The following GREB1L variants were observed in gnomAD, a reference collection of about 807,000 sequenced individuals.
GREB1L encodes the protein GREB1-like protein.
In GREB1L, 17 loss-of-function variants were observed where a neutral mutation model predicts 200.8. The observed-to-expected ratio is 0.08, with a 90% CI of 0.06 to 0.13. The LOEUF (loss-of-function observed/expected upper bound fraction) is 0.13, where lower values mean the gene tolerates loss of function less well. Ranked by LOEUF, GREB1L falls within the 10% of genes least tolerant of loss-of-function variation. GREB1L has a pLI of 1.00. For synonymous variants in GREB1L, 789 were observed against 893.0 expected (o/e 0.88, Z 2.08); for missense variants, 1,657 against 2,367.7 (o/e 0.70, Z 6.23).
intron 7 of GREB1L, 124 bp from the exon 8 acceptor site, chr18:21,439,397 G>A (rs1239977300): frequency 1.7e-6 from 1 of 603,326 alleles, no homozygotes; most frequent in Non-Finnish European, 3.0e-6. Context: ...TAACTGGACT[G>A]AGTCCTATCC....
At position 21,516,497 on chromosome 18, in the gene GREB1L, G is replaced by T. The variant is rs1167419736; in HGVS notation, c.5130-116G>T. 3.9e-6 allele frequency: 4 copies of T among 1,026,014 alleles called. No homozygotes were observed. The East Asian group carries it at 1.0e-4, about 27-fold the overall frequency. The allele number at this position is 1,026,014 out of a possible 1,614,324, so 63.6% of individuals were successfully genotyped here. A position where few individuals can be genotyped will look rare whatever the true frequency, so the allele number is the denominator to read the frequency against. On this transcript the variant is annotated intron_variant, in intron 29 of 32. Coordinates refer to ENST00000424526, the MANE Select transcript of GREB1L (RefSeq NM_001142966.3). Reference sequence around the variant, plus strand: ...TGTTACGAGGGCCAGCTCCACAAAAGCATGGTTGATTATTTTAGGCTCCTA... The same window carrying T: ...TGTTACGAGGGCCAGCTCCACAAAATCATGGTTGATTATTTTAGGCTCCTA...
At position 21,426,996 on chromosome 18, in the gene GREB1L, A is replaced by C. The variant is rs1458603675; in HGVS notation, c.833-12525A>C. On this transcript the variant is annotated intron_variant, in intron 7 of 32. Coordinates refer to ENST00000424526, the MANE Select transcript of GREB1L (RefSeq NM_001142966.3). ...AACAAAAAAAAAAAAAACAAAAAAA[A>C]AAAACTGTTTTGGCTATTCTGGGTC... Among the ~76,000 whole-genome samples, 3 of 146,382 alleles carry C rather than the reference A, an allele frequency of 2.0e-5. 1 individual carries two copies. Among genetic ancestry groups the C allele is most frequent in the African/African-American group, 5.1e-5 (2 of 39,428 alleles).
Position 21,360,282 on chromosome 18 carries a change from G to A in GREB1L, c.-119-5745G>A, listed in dbSNP as rs1373825468. ...CATCCAGGCTGGAGTGCAGTGACAC[G>A]ATCTCGGCTCCCTGCAACCTCCGCC... On this transcript the variant is annotated intron_variant, in intron 1 of 32. Transcript: ENST00000424526. Among the ~76,000 whole-genome samples the A allele has an allele frequency of 1.4e-4, 22 of 152,238 alleles. No homozygotes were observed. The East Asian group carries it at 3.9e-3, about 27-fold the overall frequency.
chr18:21,243,352 C>A (rs2037538403), intron 1 of GREB1L, among the ~76,000 whole-genome samples: 2 of 152,306 alleles, frequency 1.3e-5, no homozygotes, highest in Middle Eastern at 3.4e-3. Context: ...CCTGGAGAAA[C>A]TCCTCAGTCT....
chr18:21,481,245 G>A (rs2035901598), intron 17 of GREB1L, among the ~76,000 whole-genome samples: 1 of 152,070 alleles, frequency 6.6e-6, no homozygotes, highest in African/African-American at 2.4e-5. Context: ...GATGGGGGCA[G>A]GAGGAGGCAC....
At chr18:21,348,978 A>G (rs915515058) in intron 1 of GREB1L, among the ~76,000 whole-genome samples, 2 of 152,168 alleles carry the variant, frequency 1.3e-5, no homozygotes, top group African/African-American at 4.8e-5. Flanking sequence ...CCCAGTGTCC[A>G]TAGCGGCCAT....
Position 21,484,284 on chromosome 18 carries a change from T to G in GREB1L, c.2557-1336T>G, listed in dbSNP as rs56698870. Among the ~76,000 whole-genome samples, 5 of 151,468 alleles carry G rather than the reference T, an allele frequency of 3.3e-5. No homozygotes were observed. In the South Asian group the frequency reaches 1.0e-3, roughly 32 times the overall value. ...TCCACCTCCGGGTTCAAGGTATTCT[T>G]CTGCCTCAGCCTCCTGAGTAGCTGG... On this transcript the variant is annotated intron_variant, in intron 17 of 32. Coordinates refer to ENST00000424526, the MANE Select transcript of GREB1L (RefSeq NM_001142966.3).
At chr18:21,462,174 G>C (rs956764573) in intron 15 of GREB1L, among the ~76,000 whole-genome samples, 1 of 152,204 alleles carries the variant, frequency 6.6e-6, no homozygotes, top group African/African-American at 2.4e-5. Context: ...TGCCGCAGGT[G>C]CGCCCTGCTG....
chr18:21,477,130 T>G, intron 16 of GREB1L, 34 bp from the exon 17 acceptor site: 56 of 1,420,634 alleles, frequency 3.9e-5, no homozygotes, highest in Middle Eastern at 1.8e-4. Flanking sequence ...CTTGGTTAAA[T>G]GAGGTATTAA....
chr18:21,245,157 G>A (rs1598600900), intron 1 of GREB1L, among the ~76,000 whole-genome samples: 1 of 152,128 alleles, frequency 6.6e-6, no homozygotes, highest in Non-Finnish European at 1.5e-5. Flanking sequence ...TAGTGACTGC[G>A]TATGGTCTAA....
At chr18:21,503,570 C>CATTATT (rs1179762209) in intron 23 of GREB1L, among the ~76,000 whole-genome samples, 3 of 139,202 alleles carry the variant, frequency 2.2e-5, no homozygotes, top group African/African-American at 5.4e-5. Flanking sequence ...ACTTTATTAT[C>CATTATT]ATTATTATTA....
intron 1 of GREB1L, among the ~76,000 whole-genome samples, chr18:21,320,931 G>A (rs1455161060): frequency 6.6e-6 from 1 of 152,138 alleles, no homozygotes; most frequent in Non-Finnish European, 1.5e-5. Context: ...GATACATATG[G>A]AAAACAAGTC....
intron 18 of GREB1L, among the ~76,000 whole-genome samples, chr18:21,488,527 G>A (rs1173406437): frequency 1.3e-5 from 2 of 152,166 alleles, no homozygotes; most frequent in Non-Finnish European, 2.9e-5. Context: ...GCTGCTGGTG[G>A]CTGCATTGCT....
intron 23 of GREB1L, 128 bp from the exon 24 acceptor site, chr18:21,505,284 G>C (rs370582804): frequency 5.1e-6 from 4 of 783,372 alleles, no homozygotes; most frequent in Non-Finnish European, 8.1e-6. Flanking sequence ...CTGGGACAGG[G>C]GAGCTCATTT....
intron 2 of GREB1L, among the ~76,000 whole-genome samples, chr18:21,369,514 G>A (rs1181835972): frequency 1.3e-5 from 2 of 152,074 alleles, no homozygotes; most frequent in South Asian, 2.1e-4. Context: ...CAGTGGTAAC[G>A]TGTACTTCTT....
At chr18:21,366,938 A>G (rs2039701347) in intron 2 of GREB1L, among the ~76,000 whole-genome samples, 1 of 152,152 alleles carries the variant, frequency 6.6e-6, no homozygotes, top group African/African-American at 2.4e-5. Context: ...TGGGCCTGGA[A>G]CATCTGGAAA....
chr18:21,424,907 A>G (rs1206825417), intron 7 of GREB1L, among the ~76,000 whole-genome samples: 1 of 152,140 alleles, frequency 6.6e-6, no homozygotes, highest in Non-Finnish European at 1.5e-5. Context: ...TAATTGTTAC[A>G]CATGGTCTTT....
chr18:21,284,103 C>G (rs980778568), intron 1 of GREB1L, among the ~76,000 whole-genome samples: 5 of 152,100 alleles, frequency 3.3e-5, no homozygotes, highest in African/African-American at 1.2e-4. Flanking sequence ...ATGTGTTGTA[C>G]CTGTCAGCCT....
intron 4 of GREB1L, among the ~76,000 whole-genome samples, chr18:21,388,231 TGG>T (rs2040625471): frequency 6.6e-6 from 1 of 152,166 alleles, no homozygotes; most frequent in African/African-American, 2.4e-5. Context: ...AATAGCTACA[TGG>T]TAAAAGATAA....
Sources: gnomAD v4.1 joint callset for allele counts (sites outside exome capture counted in the v4.1 genomes callset) on GRCh38, gnomAD v4.1.1 for gene constraint, MANE v1.5 for transcripts, NCBI Gene and HGNC (gene_info 2026-07-23, HGNC 2026-07-21) for gene names.